Variants in AAK1 observed in about 807,000 individuals in gnomAD.
The protein encoded by AAK1 is AP2 associated kinase 1.
A neutral mutation model predicts 116.0 loss-of-function variants in AAK1; 37 were observed. That is an observed-to-expected ratio of 0.32 (90% CI 0.25 to 0.42). The LOEUF is 0.42. Among genes scored for constraint, AAK1 ranks in the 10% least tolerant of loss-of-function variants. The probability of loss-of-function intolerance (pLI) is 1.00; values close to 1 mark genes in which losing one functional copy is unlikely to be tolerated. For missense variants in AAK1, 919 were observed against 1,170.6 expected, an observed-to-expected ratio of 0.79 and a Z score of 3.14; for synonymous variants, 458 against 439.9, an observed-to-expected ratio of 1.04 and a Z score of -0.51.
chr2:69,480,816 A>T (rs781319958), intron 19 of AAK1, 44 bp downstream of exon 19: 2 of 1,520,916 alleles, frequency 1.3e-6, no homozygotes, highest in South Asian at 2.4e-5. Context: ...TCAGAGGTTC[A>T]CCACACCGAC....
At chr2:69,505,297 C>T (rs1366325981) in intron 16 of AAK1, among the ~76,000 whole-genome samples, 1 of 152,120 alleles carries the variant, frequency 6.6e-6, no homozygotes, top group East Asian at 1.9e-4. Flanking sequence ...TGCCTGTGGA[C>T]TAGAGAGAAC....
intron 5 of AAK1, among the ~76,000 whole-genome samples, chr2:69,541,009 C>T (rs1183920915): frequency 5.3e-5 from 8 of 152,108 alleles, no homozygotes; most frequent in African/African-American, 1.7e-4. Flanking sequence ...GAAGGGGTCA[C>T]ATATGATGAT....
chr2:69,477,866 G>A (rs938684007), intron 20 of AAK1, among the ~76,000 whole-genome samples: 2 of 152,174 alleles, frequency 1.3e-5, no homozygotes, highest in African/African-American at 4.8e-5. Context: ...CTCCTGAAGG[G>A]ACTTAAGCTC....
At chr2:69,476,404 T>A (rs1369223240) in intron 21 of AAK1, among the ~76,000 whole-genome samples, 2 of 152,198 alleles carry the variant, frequency 1.3e-5, no homozygotes, top group African/African-American at 4.8e-5. Flanking sequence ...AATAAATAGA[T>A]GGTCCCATGG....
chr2:69,611,766 T>C (rs1334272711), intron 2 of AAK1, among the ~76,000 whole-genome samples: 2 of 152,130 alleles, frequency 1.3e-5, no homozygotes, highest in African/African-American at 4.8e-5. Context: ...AACAGATGAA[T>C]GGATAAGGAA....
At chr2:69,528,875 C>T (rs2105019173) in intron 8 of AAK1, among the ~76,000 whole-genome samples, 1 of 152,250 alleles carries the variant, frequency 6.6e-6, no homozygotes, top group Admixed American at 6.5e-5. Context: ...GGCCATTTTC[C>T]CATATTTCCT....
chr2:69,518,496 T>C (rs931188013), intron 12 of AAK1, among the ~76,000 whole-genome samples: 2 of 150,906 alleles, frequency 1.3e-5, no homozygotes, highest in African/African-American at 4.9e-5. Context: ...CTCGGCTCAC[T>C]GAACCTCTGC....
intron 17 of AAK1, among the ~76,000 whole-genome samples, chr2:69,488,405 G>T (rs545065234): frequency 9.2e-5 from 14 of 151,806 alleles, no homozygotes; most frequent in Middle Eastern, 3.4e-3. Context: ...TACATTTTTT[G>T]AATTTTAGCT....
chr2:69,563,101 T>C (rs1671714865), intron 2 of AAK1, among the ~76,000 whole-genome samples: 1 of 151,960 alleles, frequency 6.6e-6, no homozygotes, highest in Non-Finnish European at 1.5e-5. Flanking sequence ...ATTTAAACAC[T>C]CTCCTTGGGG....
intron 14 of AAK1, among the ~76,000 whole-genome samples, 197 bp downstream of exon 14, chr2:69,509,034 T>C (rs933672524): frequency 6.6e-6 from 1 of 152,180 alleles, no homozygotes; most frequent in Non-Finnish European, 1.5e-5. Context: ...AATTCACAGC[T>C]GCTCATTAAA....
At chr2:69,599,025 C>T in intron 2 of AAK1, 1 of 299,068 alleles carries the variant, frequency 3.3e-6, no homozygotes, top group South Asian at 3.3e-5. Flanking sequence ...GTAGAAAATT[C>T]ATGGGGAGGT....
chr2:69,498,349 C>A (rs1675832181), intron 16 of AAK1, among the ~76,000 whole-genome samples: 1 of 152,180 alleles, frequency 6.6e-6, no homozygotes, highest in Non-Finnish European at 1.5e-5. Flanking sequence ...CTGTCTTGGA[C>A]TTTACCTGTC....
intron 9 of AAK1, among the ~76,000 whole-genome samples, chr2:69,525,433 A>C (rs1572924604): frequency 6.6e-6 from 1 of 152,320 alleles, no homozygotes; most frequent in African/African-American, 2.4e-5. Context: ...TTCTCCTCCT[A>C]TAGCACAGCT....
At chr2:69,609,657 C>T (rs975380939) in intron 2 of AAK1, among the ~76,000 whole-genome samples, 1 of 151,874 alleles carries the variant, frequency 6.6e-6, no homozygotes, top group Non-Finnish European at 1.5e-5. Context: ...CAGTGAGACT[C>T]CATCTAAAAA....
chr2:69,585,146 G>A (rs1394030015), intron 2 of AAK1, among the ~76,000 whole-genome samples: 3 of 152,168 alleles, frequency 2.0e-5, no homozygotes, highest in African/African-American at 4.8e-5. Context: ...AGCTTTAATC[G>A]AGGATTATAA....
At chr2:69,513,017 A>C (rs2104977900) in intron 13 of AAK1, among the ~76,000 whole-genome samples, 1 of 152,328 alleles carries the variant, frequency 6.6e-6, no homozygotes, top group South Asian at 2.1e-4. Context: ...CTGTAAAATG[A>C]GGAGGCTGAA....
Position 69,530,547 on chromosome 2 carries a change from C to T in AAK1, c.738+78G>A, listed in dbSNP as rs114632605. 2.2e-3 allele frequency: 2,719 copies of T among 1,209,686 alleles called. 55 individuals are homozygous for T. The African/African-American group carries it at 0.035, about 16-fold the overall frequency. 74.9% of individuals were successfully genotyped at this position (1,209,686 alleles called of 1,614,324 possible). On this transcript the variant is annotated intron_variant, in intron 7 of 21. Coordinates refer to ENST00000409085, the MANE Select transcript of AAK1 (RefSeq NM_014911.5). ...TGGTACAGTAGCCACCATGCTATAG[C>T]GCTGTGTGCATTAACCTTGGGAATT...
At chr2:69,578,317 T>C (rs1221300301) in intron 2 of AAK1, among the ~76,000 whole-genome samples, 1 of 152,184 alleles carries the variant, frequency 6.6e-6, no homozygotes, top group African/African-American at 2.4e-5. Context: ...GGTCAGAGCC[T>C]GCTTCATGGC....
At chr2:69,598,016 A>G in intron 2 of AAK1, 1 of 372,846 alleles carries the variant, frequency 2.7e-6, no homozygotes, top group Non-Finnish European at 4.7e-6. Flanking sequence ...TATGTCTGAA[A>G]GGGAAGACAA....
Sources: allele counts gnomAD v4.1 joint callset (sites outside exome capture counted in the v4.1 genomes callset), GRCh38; gene constraint gnomAD v4.1.1; transcripts MANE v1.5; gene names NCBI Gene and HGNC (gene_info 2026-07-23, HGNC 2026-07-21).